Variants in TMEM196 observed in about 807,000 individuals in gnomAD.
The protein encoded by TMEM196 is transmembrane protein 196.
In TMEM196, 17 loss-of-function variants were observed where a neutral mutation model predicts 20.0. That is an observed-to-expected ratio of 0.85 (90% confidence interval 0.58 to 1.27). TMEM196 has a LOEUF of 1.27. TMEM196 is among the 50% of genes most tolerant of loss of function. The pLI is 0.00. For synonymous variants in TMEM196, 113 were observed against 88.9 expected, an observed-to-expected ratio of 1.27 and a Z score of -1.52; for missense variants, 267 against 223.0, an observed-to-expected ratio of 1.20 and a Z score of -1.26.
At chr7:19,744,278 A>C (rs1784674444) in intron 1 of TMEM196, among the ~76,000 whole-genome samples, 1 of 152,152 alleles carries the variant, frequency 6.6e-6, no homozygotes, top group Non-Finnish European at 1.5e-5. Context: ...ATTACTCAGC[A>C]ATTTTCTTAG....
chr7:19,764,916 C>A (rs983903515), intron 1 of TMEM196, among the ~76,000 whole-genome samples: 1 of 152,044 alleles, frequency 6.6e-6, no homozygotes, highest in East Asian at 1.9e-4. Flanking sequence ...TGAGGTCAGG[C>A]CTCAGCGAAA....
intron 1 of TMEM196, among the ~76,000 whole-genome samples, chr7:19,750,830 A>G (rs1481043469): frequency 6.6e-6 from 1 of 152,228 alleles, no homozygotes; most frequent in Non-Finnish European, 1.5e-5. Context: ...AAGAACAATC[A>G]TATATTATAT....
intron 1 of TMEM196, among the ~76,000 whole-genome samples, chr7:19,733,146 A>G (rs1583424306): frequency 6.6e-6 from 1 of 152,208 alleles, no homozygotes; most frequent in Non-Finnish European, 1.5e-5. Flanking sequence ...CTCCAAGCGA[A>G]CTTCATTTGA....
chr7:19,725,071 C>G (rs1218053708), intron 3 of TMEM196, among the ~76,000 whole-genome samples: 2 of 152,092 alleles, frequency 1.3e-5, no homozygotes, highest in African/African-American at 4.8e-5. Context: ...CTTTTTGTCA[C>G]CTTATTAAAA....
Position 19,772,339 on chromosome 7 carries a change from G to GAAAGA in TMEM196, c.147+210_147+211insTCTTT, listed in dbSNP as rs1554301735. 1.7e-4 allele frequency among the ~76,000 whole-genome samples: 23 copies of GAAAGA among 138,542 alleles called. No homozygotes were observed. The South Asian group carries it at 4.6e-3, about 28-fold the overall frequency. The allele number at this position is 138,542 out of a possible 152,430, so 90.9% of individuals were successfully genotyped here. Reference sequence around the variant, plus strand: ...TTAATTTGGTCTTAAGCCCAAGTAAGAAACAAAACAAAACAAAACAAAACA... The same window carrying GAAAGA: ...TTAATTTGGTCTTAAGCCCAAGTAAGAAAGAAAACAAAACAAAACAAAACAAAACA... On this transcript the variant is annotated intron_variant, in intron 1 of 4. Coordinates refer to ENST00000405844, the MANE Select transcript of TMEM196 (RefSeq NM_001363562.2).
At chr7:19,722,197 A>T (rs1783837122) in intron 4 of TMEM196, 63 bp from the exon 5 acceptor site, 1 of 1,402,234 alleles carries the variant, frequency 7.1e-7, no homozygotes, top group Admixed American at 2.0e-5. Flanking sequence ...GTTTTGGTTA[A>T]TGAGTTTGCA....
chr7:19,753,575 C>A (rs1005095639), intron 1 of TMEM196, among the ~76,000 whole-genome samples: 1 of 152,174 alleles, frequency 6.6e-6, no homozygotes, highest in African/African-American at 2.4e-5. Context: ...TTCATTCTGA[C>A]TCTTAATTTT....
intron 1 of TMEM196, among the ~76,000 whole-genome samples, chr7:19,770,722 A>G (rs1437500074): frequency 6.6e-6 from 1 of 152,212 alleles, no homozygotes; most frequent in East Asian, 1.9e-4. Flanking sequence ...CTATGTAGAT[A>G]TGTCTGACTT....
intron 1 of TMEM196, among the ~76,000 whole-genome samples, chr7:19,761,848 G>A (rs762146478): frequency 1.3e-5 from 2 of 152,084 alleles, no homozygotes; most frequent in East Asian, 3.9e-4. Flanking sequence ...AACTGGCCCA[G>A]GACCCAAATC....
chr7:19,770,734 T>C (rs551062587), intron 1 of TMEM196, among the ~76,000 whole-genome samples: 1 of 152,328 alleles, frequency 6.6e-6, no homozygotes, highest in African/African-American at 2.4e-5. Context: ...GTCTGACTTA[T>C]TTGCTTTTCC....
intron 1 of TMEM196, among the ~76,000 whole-genome samples, chr7:19,736,945 T>C (rs1406720651): frequency 6.6e-6 from 1 of 152,048 alleles, no homozygotes; most frequent in South Asian, 2.1e-4. Context: ...ACTTTCTGTT[T>C]TCTTTTAGTT....
intron 4 of TMEM196, among the ~76,000 whole-genome samples, chr7:19,722,898 T>C (rs1783859212): frequency 6.6e-6 from 1 of 152,094 alleles, no homozygotes; most frequent in Non-Finnish European, 1.5e-5. Flanking sequence ...TAAAAAGTGA[T>C]AGGATATGAA....
At position 19,772,633 on chromosome 7, in the gene TMEM196, C is replaced by G; in HGVS notation, c.64G>C (p.Gly22Arg). 1 of 1,547,522 alleles carries G rather than the reference C, an allele frequency of 6.5e-7. No individual in the cohort carries two copies. Among genetic ancestry groups the G allele is most frequent in the South Asian group, 1.2e-5 (1 of 83,584 alleles). The change falls in exon 1 of 5, where the codon GGG becomes CGG. Residue 22 changes from glycine to arginine, a missense_variant. Transcript: ENST00000405844. ...GCCCCCACGGCCACGCTGGACACCCCCAGCCCTATCTCCAGCACGGAGAGC... is the reference window on the plus strand; with the variant it reads ...GCCCCCACGGCCACGCTGGACACCCGCAGCCCTATCTCCAGCACGGAGAGC... ...LVLSVLEIGLGVSSVAVGAVS... is the reference protein window; with the variant it reads ...LVLSVLEIGLRVSSVAVGAVS...
chr7:19,771,270 G>T (rs901063488), intron 1 of TMEM196, among the ~76,000 whole-genome samples: 2 of 152,238 alleles, frequency 1.3e-5, no homozygotes, highest in African/African-American at 4.8e-5. Flanking sequence ...TTTGGAGGCT[G>T]ATAGTAACTT....
intron 1 of TMEM196, among the ~76,000 whole-genome samples, chr7:19,751,645 A>G (rs1410270997): frequency 6.6e-6 from 1 of 152,258 alleles, no homozygotes; most frequent in Non-Finnish European, 1.5e-5. Flanking sequence ...CTAATGTCCA[A>G]TAAACTATAA....
intron 1 of TMEM196, among the ~76,000 whole-genome samples, chr7:19,765,738 T>C (rs1785602281): frequency 6.6e-6 from 1 of 152,172 alleles, no homozygotes. Flanking sequence ...GTTTTATGTT[T>C]CCTCATTCAG....
In TMEM196 at chr7:19,772,900, C is replaced by A. The variant is rs548576697; in HGVS notation, c.-204G>T. On this transcript the variant is annotated 5_prime_UTR_variant, in exon 1 of 5. Transcript: ENST00000405844. The stretch of plus-strand genomic sequence containing the variant: ...GGCCAGAGGCAAAGGAGCTGCTCCA[C>A]CCCCTGGCACGTTCAGATAGGGATC... 2.4e-6 allele frequency: 1 copy of A among 420,014 alleles called. No individual in the cohort carries two copies. Among genetic ancestry groups the A allele is most frequent in the Non-Finnish European group, 4.1e-6 (1 of 243,450 alleles). The allele number at this position is 420,014 out of a possible 1,614,324, so 26.0% of individuals were successfully genotyped here.
At chr7:19,750,425 G>C (rs965106679) in intron 1 of TMEM196, among the ~76,000 whole-genome samples, 1 of 146,894 alleles carries the variant, frequency 6.8e-6, no homozygotes, top group Non-Finnish European at 1.5e-5. Flanking sequence ...AGTCAGAAGA[G>C]GATTTTTTTT....
chr7:19,760,352 CTTTTTTTTTTTT>C (rs55646735), intron 1 of TMEM196, among the ~76,000 whole-genome samples: 5 of 92,178 alleles, frequency 5.4e-5, no homozygotes, highest in African/African-American at 1.4e-4. Context: ...ATATATTTTC[CTTTTTTTTTTTT>C]TTTTTTTTTT....
Sources: allele counts gnomAD v4.1 joint callset (sites outside exome capture counted in the v4.1 genomes callset), GRCh38; gene constraint gnomAD v4.1.1; transcripts MANE v1.5; gene names NCBI Gene and HGNC (gene_info 2026-07-23, HGNC 2026-07-21).